FTO: variants seen among roughly 807,000 people sequenced by gnomAD.
FTO encodes alpha-ketoglutarate-dependent dioxygenase FTO.
FTO carries 47 observed loss-of-function variants against 63.9 expected under a neutral mutation model. The observed-to-expected ratio is 0.74, with a 90% CI of 0.58 to 0.94. The LOEUF (loss-of-function observed/expected upper bound fraction) is 0.94, where lower values mean the gene tolerates loss of function less well. Ranked by LOEUF, FTO falls within the 40% of genes least tolerant of loss-of-function variation. The pLI, the probability that FTO is intolerant of heterozygous loss-of-function variation, is 0.00. For missense variants in FTO, 562 were observed against 618.1 expected (o/e 0.91, Z 0.96); for synonymous variants, 207 against 224.4 (o/e 0.92, Z 0.69).
At chr16:53,862,387 G>C (rs947232172) in intron 4 of FTO, among the ~76,000 whole-genome samples, 31 of 152,016 alleles carry the variant, frequency 2.0e-4, no homozygotes, top group African/African-American at 7.3e-4. Flanking sequence ...TTTCTGTTTG[G>C]ACATTTGTAG....
At chr16:54,016,440 T>C (rs1490463773) in intron 8 of FTO, among the ~76,000 whole-genome samples, 1 of 152,196 alleles carries the variant, frequency 6.6e-6, no homozygotes, top group Admixed American at 6.5e-5. Context: ...TGCTCTTTGA[T>C]TGCCGGTCTG....
chr16:54,121,359 A>G lies in FTO; in HGVS notation c.*9444A>G, dbSNP rs1381804875. ...GCATCCAAACCAAAATACTCATGCC[A>G]ACATCTCTCTGTACAGAAACATGGA... On this transcript the variant is annotated 3_prime_UTR_variant, in exon 9 of 9. Transcript: ENST00000471389. The G allele has an allele frequency of 6.6e-6, 1 of 152,250 alleles. No individual in the cohort carries two copies. The highest frequency in any genetic ancestry group is 2.4e-5 in the African/African-American group (1 of 41,454). 9.4% of individuals were successfully genotyped at this position (152,250 alleles called of 1,614,324 possible).
Position 53,986,677 on chromosome 16 carries a change from A to G in FTO, c.1364+52568A>G, listed in dbSNP as rs1257675415. On this transcript the variant is annotated intron_variant, in intron 8 of 8. Transcript: ENST00000471389. ...CTAATTTCCAATTTAGGGTTTTGCT[A>G]TATAATCTCTAGTAGAGTGTGTCTA... 2.6e-5 allele frequency among the ~76,000 whole-genome samples: 4 copies of G among 152,242 alleles called. 1 individual carries two copies. Among genetic ancestry groups the G allele is most frequent in the African/African-American group, 9.6e-5 (4 of 41,464 alleles).
At chr16:54,084,527 G>A (rs1380572881) in intron 8 of FTO, among the ~76,000 whole-genome samples, 1 of 152,182 alleles carries the variant, frequency 6.6e-6, no homozygotes, top group Non-Finnish European at 1.5e-5. Context: ...GACTTAAACA[G>A]TGTATTTTCT....
intron 8 of FTO, among the ~76,000 whole-genome samples, chr16:53,978,572 G>A (rs1326061764): frequency 6.6e-6 from 1 of 152,080 alleles, no homozygotes; most frequent in African/African-American, 2.4e-5. Context: ...TTGTGGTTTT[G>A]AGATTGTAAA....
intron 8 of FTO, among the ~76,000 whole-genome samples, chr16:53,946,104 A>G (rs1299072865): frequency 6.6e-6 from 1 of 152,160 alleles, no homozygotes; most frequent in African/African-American, 2.4e-5. Context: ...GAACAGCTCT[A>G]CTGGCCTGTA....
chr16:53,876,202 A>C (rs983735401), intron 5 of FTO, among the ~76,000 whole-genome samples: 9 of 152,320 alleles, frequency 5.9e-5, no homozygotes, highest in Admixed American at 5.2e-4. Flanking sequence ...ACCAATGTTT[A>C]AAGGTTCTTG....
At chr16:53,881,122 A>AAAATAAATAAATAAAT (rs60470419) in intron 6 of FTO, among the ~76,000 whole-genome samples, 7,647 of 145,410 alleles carry the variant, frequency 0.053, 377 homozygotes, top group African/African-American at 0.13. Context: ...ACTCCGTCTC[A>AAAATAAATAAATAAAT]AAATAAATAA....
intron 8 of FTO, among the ~76,000 whole-genome samples, chr16:53,960,711 T>TGG (rs1462432712): frequency 3.6e-5 from 5 of 138,666 alleles, no homozygotes; most frequent in Admixed American, 1.4e-4. Flanking sequence ...TTACCAGAAA[T>TGG]GGGGGTGGGG....
In FTO at chr16:54,004,714, G is replaced by C. The variant is rs541556669; in HGVS notation, c.1364+70605G>C. ...CATAGGCCAAAGGGCCTCTTTCTTG[G>C]TTTTGATATCAGGCACCAACTCTAA... On this transcript the variant is annotated intron_variant, in intron 8 of 8. Transcript: ENST00000471389. Among the ~76,000 whole-genome samples, 5 of 152,254 alleles carry C rather than the reference G, an allele frequency of 3.3e-5. No homozygotes were observed. The East Asian group carries it at 9.7e-4, about 29-fold the overall frequency.
intron 6 of FTO, among the ~76,000 whole-genome samples, chr16:53,881,053 C>T (rs985629724): frequency 1.3e-5 from 2 of 150,776 alleles, no homozygotes; most frequent in East Asian, 1.9e-4. Flanking sequence ...ACCTGCGAGG[C>T]GGAGCTTGCA....
chr16:53,985,173 A>T (rs2083637526), intron 8 of FTO, among the ~76,000 whole-genome samples: 1 of 152,226 alleles, frequency 6.6e-6, no homozygotes, highest in Non-Finnish European at 1.5e-5. Flanking sequence ...AATACAAATG[A>T]AATAATTGGT....
chr16:53,994,193 C>A (rs2083879836), intron 8 of FTO: 1 of 152,182 alleles, frequency 6.6e-6, no homozygotes, highest in African/African-American at 2.4e-5. Flanking sequence ...CCTCCTCTCC[C>A]TGTTTCCTTT....
At chr16:53,863,587 T>C (rs1177181467) in intron 4 of FTO, among the ~76,000 whole-genome samples, 1 of 152,226 alleles carries the variant, frequency 6.6e-6, no homozygotes, top group African/African-American at 2.4e-5. Flanking sequence ...CAATGCCTGG[T>C]ACTCAGAGTC....
intron 1 of FTO, among the ~76,000 whole-genome samples, chr16:53,734,168 A>G (rs919601714): frequency 1.3e-5 from 2 of 152,220 alleles, no homozygotes; most frequent in Non-Finnish European, 1.5e-5. Context: ...TTCTTAAGAC[A>G]TGAAGTTTTG....
chr16:54,066,606 G>A (rs1076471), intron 8 of FTO, among the ~76,000 whole-genome samples: 64,469 of 152,074 alleles, frequency 0.42, 14,546 homozygotes, highest in African/African-American at 0.57. Context: ...GTGCTCACCA[G>A]CCCATTGGTA....
intron 7 of FTO, among the ~76,000 whole-genome samples, chr16:53,903,505 C>T (rs995235146): frequency 6.6e-6 from 1 of 152,108 alleles, no homozygotes; most frequent in Non-Finnish European, 1.5e-5. Flanking sequence ...GTGATCTGGC[C>T]GCCTCAGCCT....
intron 2 of FTO, among the ~76,000 whole-genome samples, chr16:53,813,030 G>A (rs991591673): frequency 2.6e-5 from 4 of 152,094 alleles, no homozygotes; most frequent in Admixed American, 2.6e-4. Context: ...AAATGGTACA[G>A]GAAGAATGAG....
intron 1 of FTO, among the ~76,000 whole-genome samples, chr16:53,716,275 A>G (rs2075893488): frequency 6.6e-6 from 1 of 152,228 alleles, no homozygotes; most frequent in Non-Finnish European, 1.5e-5. Flanking sequence ...CAATGATCAC[A>G]TCTTTGGATA....
Sources: allele counts gnomAD v4.1 joint callset (sites outside exome capture counted in the v4.1 genomes callset), GRCh38; gene constraint gnomAD v4.1.1; transcripts MANE v1.5; gene names NCBI Gene and HGNC (gene_info 2026-07-23, HGNC 2026-07-21).